Variants in IAH1 observed in about 807,000 individuals in gnomAD.
IAH1 encodes the protein isoamyl acetate hydrolyzing esterase 1 (putative), also known as isoamyl acetate-hydrolyzing esterase 1 homolog.
Under a neutral mutation model 26.7 loss-of-function variants are expected in IAH1, and 24 were observed. The observed-to-expected ratio is 0.90, with a 90% CI of 0.65 to 1.26. IAH1 has a LOEUF of 1.26. Ranked by LOEUF, IAH1 falls within the 50% of genes most tolerant of loss-of-function variation. The pLI is 0.00. For missense variants in IAH1, 300 were observed against 299.9 expected (o/e 1.00, Z 0.00); for synonymous variants, 140 against 118.5 (o/e 1.18, Z -1.18).
At chr2:9,490,312 G>T (rs772443121), downstream of IAH1, 1 of 1,614,124 alleles carries the variant, frequency 6.2e-7, no homozygotes, top group South Asian at 1.1e-5. Flanking sequence ...TTGGGAAGGG[G>T]TCCTTCTCAA....
upstream of IAH1, chr2:9,474,502 C>T (rs945164413): frequency 1.7e-5 from 17 of 1,008,454 alleles, no homozygotes; most frequent in African/African-American, 2.3e-4. This position sits in a 1 kb window ranked among gnomAD's most constrained non-coding sequence, Gnocchi z 4.3. Flanking sequence ...CCGCAACCCA[C>T]GGGCGGCCAC....
chr2:9,484,677 A>C, intron 5 of IAH1, 127 bp downstream of exon 5: 1 of 636,686 alleles, frequency 1.6e-6, no homozygotes, highest in South Asian at 1.9e-5. Context: ...AGCCAATGAA[A>C]ACAAACAGGC....
At chr2:9,493,824 C>T (rs1339437801), downstream of IAH1, 1 of 1,613,252 alleles carries the variant, frequency 6.2e-7, no homozygotes. Context: ...CTCACATTTG[C>T]CCTATGAAGA....
rs182300993 is a variant in IAH1, at chr2:9,481,350, G to A, written c.348G>A (p.Gln116=). The part of the protein sequence containing the change: ...EYAANLKSMV[Q]YLKSVDIPEN... Reference sequence around the variant, plus strand: ...CTGCGAACCTAAAGAGCATGGTGCAGTACCTGAAGTCCGTGGACATCCCTG... The same window carrying A: ...CTGCGAACCTAAAGAGCATGGTGCAATACCTGAAGTCCGTGGACATCCCTG... Residue 116 remains glutamine (Q), a synonymous_variant, in exon 4 of 6, where the codon CAG becomes CAA. Coordinates refer to ENST00000497473, the MANE Select transcript of IAH1 (RefSeq NM_001039613.3). 7,359 of 1,614,184 alleles carry A rather than the reference G, an allele frequency of 4.6e-3. 38 individuals carry two copies. Among genetic ancestry groups the A allele is most frequent in the South Asian group, 0.011 (1,033 of 91,080 alleles).
At chr2:9,481,874 A>C (rs2124913969) in intron 4 of IAH1, among the ~76,000 whole-genome samples, 1 of 151,738 alleles carries the variant, frequency 6.6e-6, no homozygotes, top group East Asian at 1.9e-4. Flanking sequence ...AGTCGCCAGC[A>C]CTCCATATAC....
At position 9,474,910 on chromosome 2, in the gene IAH1, C is replaced by T. The variant is rs914853420; in HGVS notation, c.81+263C>T. On this transcript the variant is annotated intron_variant, in intron 1 of 5. Transcript: ENST00000497473. The surrounding 1 kb of genome is among the most constrained non-coding windows in gnomAD (Gnocchi z 4.3). ...GAGGGGACCCGGCCGCGCTGCCCGCCCCGCGCCGCCTCCCACCCGGGTCGA... is the reference window on the plus strand; with the variant it reads ...GAGGGGACCCGGCCGCGCTGCCCGCTCCGCGCCGCCTCCCACCCGGGTCGA... The T allele has an allele frequency of 8.7e-6, 6 of 687,342 alleles. No homozygotes were observed. The highest frequency in any genetic ancestry group is 9.6e-6 in the Non-Finnish European group (5 of 518,280). The allele number at this position is 687,342 out of a possible 1,614,324, so 42.6% of individuals were successfully genotyped here.
intron 5 of IAH1, chr2:9,484,914 AC>A (rs960730687): frequency 1.1e-5 from 2 of 177,940 alleles, no homozygotes; most frequent in African/African-American, 4.7e-5. Flanking sequence ...GGCTAATAAA[AC>A]TGTTTGAGAT....
In IAH1 at chr2:9,488,387, G is replaced by A. The variant is rs886407696; in HGVS notation, c.*58G>A. 97 of 1,343,102 alleles carry A rather than the reference G, an allele frequency of 7.2e-5. No homozygotes were observed. The highest frequency in any genetic ancestry group is 9.2e-5 in the Non-Finnish European group (91 of 985,302). 83.2% of individuals were successfully genotyped at this position (1,343,102 alleles called of 1,614,324 possible). A position where few individuals can be genotyped will look rare whatever the true frequency, so the allele number is the denominator to read the frequency against. The stretch of plus-strand genomic sequence containing the variant: ...CTACAGAACTCAAAGTTGTCAATAC[G>A]TAGAGGTACGCTTTTTTCCTCAGGC... On this transcript the variant is annotated 3_prime_UTR_variant, in exon 6 of 6. Transcript: ENST00000497473.
At chr2:9,496,942 T>A (rs1419945387), downstream of IAH1, among the ~76,000 whole-genome samples, 1 of 152,184 alleles carries the variant, frequency 6.6e-6, no homozygotes, top group Non-Finnish European at 1.5e-5. Context: ...ATGGTGGATC[T>A]GCATGCAGAG....
At chr2:9,485,807 C>T (rs979187318) in intron 5 of IAH1, 4 of 152,274 alleles carry the variant, frequency 2.6e-5, no homozygotes, top group African/African-American at 9.7e-5. Flanking sequence ...TGACCTTGTG[C>T]TACTCTTTTG....
intron 2 of IAH1, among the ~76,000 whole-genome samples, chr2:9,477,151 G>A (rs1204657675): frequency 6.6e-6 from 1 of 152,204 alleles, no homozygotes; most frequent in Non-Finnish European, 1.5e-5. Context: ...CTGAGTTTCG[G>A]TGGTGGTTCT....
the IAH1 span, chr2:9,502,070 TA>T: frequency 1.9e-6 from 2 of 1,043,242 alleles, no homozygotes; most frequent in Non-Finnish European, 1.4e-6. Flanking sequence ...CATATGAGAT[TA>T]AAAATAAGGT....
rs371174788 is a variant in IAH1, at chr2:9,476,024, C to T, written c.119C>T (p.Ala40Val). The T allele has an allele frequency of 1.2e-6, 2 of 1,613,674 alleles. No individual in the cohort carries two copies. Among genetic ancestry groups the T allele is most frequent in the Non-Finnish European group, 1.7e-6 (2 of 1,179,868 alleles). The change falls in exon 2 of 6, where the codon GCT (alanine) becomes GTT (valine). Residue 40 changes from alanine to valine, a missense_variant. Transcript: ENST00000497473. ...FQQGGWGASL[A>V]DRLVRKCDVL... is the part of the protein sequence containing the mutation. The stretch of plus-strand genomic sequence containing the variant: ...CAGGGTGGATGGGGAGCATCGCTGG[C>T]TGACAGGCTGGTCAGGTGAGAATGG...
chr2:9,493,651 G>A, downstream of IAH1: 1 of 1,038,390 alleles, frequency 9.6e-7, no homozygotes, highest in Non-Finnish European at 1.4e-6. Flanking sequence ...ACCTTCTACT[G>A]CAGAATTAAA....
At position 9,488,969 on chromosome 2, in the gene IAH1, T is replaced by A. The variant is rs888190405; in HGVS notation, c.*640T>A. ...GAATCCAGGCTAATGATTTTTATCC[T>A]TCACACAGTAAATGCAGCCCATCCA... On this transcript the variant is annotated 3_prime_UTR_variant, in exon 6 of 6. Transcript: ENST00000497473. 1 of 152,206 alleles carries A rather than the reference T, an allele frequency of 6.6e-6. No individual in the cohort carries two copies. The highest frequency in any genetic ancestry group is 1.9e-4 in the East Asian group (1 of 5,198). 9.4% of individuals were successfully genotyped at this position (152,206 alleles called of 1,614,324 possible).
downstream of IAH1, chr2:9,489,825 T>C: frequency 6.3e-6 from 1 of 159,594 alleles, no homozygotes; most frequent in Non-Finnish European, 1.3e-5. Context: ...AAAAAAAAAC[T>C]GATCATTTCC....
intron 1 of IAH1, chr2:9,475,293 G>A (rs1682417958): frequency 3.0e-6 from 3 of 989,222 alleles, no homozygotes; most frequent in Admixed American, 4.6e-5. Flanking sequence ...GCTTCACCAG[G>A]CTTTTGTGTA....
intron 6 of IAH1, among the ~76,000 whole-genome samples, chr2:9,496,124 T>TTTAC (rs1662577123): frequency 6.6e-6 from 1 of 152,000 alleles, no homozygotes; most frequent in Non-Finnish European, 1.5e-5. Context: ...TATTTTATTT[T>TTTAC]TTACTTATTT....
the IAH1 span, among the ~76,000 whole-genome samples, chr2:9,501,637 T>C: frequency 1.3e-4 from 20 of 152,204 alleles, no homozygotes; most frequent in Non-Finnish European, 1.8e-4. Flanking sequence ...TGGTTACCCT[T>C]CTAACTTGTA....
Sources: gnomAD v4.1 joint callset for allele counts (sites outside exome capture counted in the v4.1 genomes callset) on GRCh38, gnomAD v4.1.1 for gene constraint, Gnocchi (gnomAD v3.1) non-coding constraint, MANE v1.5 for transcripts, NCBI Gene and HGNC (gene_info 2026-07-23, HGNC 2026-07-21) for gene names.